The following HECW1 variants were observed in gnomAD, a reference collection of about 807,000 sequenced individuals.
The protein encoded by HECW1 is E3 ubiquitin-protein ligase HECW1.
HECW1 carries 61 observed loss-of-function variants against 182.3 expected under a neutral mutation model. That is an observed-to-expected ratio of 0.33 (90% CI 0.27 to 0.41). The LOEUF is 0.41. Among genes scored for constraint, HECW1 ranks in the 10% least tolerant of loss-of-function variants. HECW1 has a pLI of 1.00. For synonymous variants in HECW1, 859 were observed against 832.6 expected (o/e 1.03, Z -0.55); for missense variants, 1,739 against 2,108.9 (o/e 0.82, Z 3.44).
At chr7:43,145,580 G>A (rs1374875221) in intron 2 of HECW1, among the ~76,000 whole-genome samples, 2 of 152,200 alleles carry the variant, frequency 1.3e-5, no homozygotes, top group African/African-American at 4.8e-5. Context: ...TTACAGGCAT[G>A]TCTTTCTTAT....
intron 3 of HECW1, among the ~76,000 whole-genome samples, chr7:43,252,881 G>A (rs1466829864): frequency 6.6e-6 from 1 of 152,238 alleles, no homozygotes; most frequent in Non-Finnish European, 1.5e-5. Flanking sequence ...GACAGTTGTT[G>A]TTAAATACAC....
intron 3 of HECW1, among the ~76,000 whole-genome samples, chr7:43,247,072 AAG>A (rs1337552227): frequency 6.6e-6 from 1 of 152,208 alleles, no homozygotes; most frequent in African/African-American, 2.4e-5. Flanking sequence ...CTGTTCTTAA[AAG>A]AGAAGCACAG....
Position 43,425,494 on chromosome 7 carries a change from C to T in HECW1, c.802-12509C>T, listed in dbSNP as rs568770332. ...TCTTGTTTCTTGCCCCAGCCTCCTG[C>T]GCTATCCACTACAGATTGGAATTGT... On this transcript the variant is annotated intron_variant, in intron 8 of 29. Coordinates refer to ENST00000395891, the MANE Select transcript of HECW1 (RefSeq NM_015052.5). 5.9e-5 allele frequency among the ~76,000 whole-genome samples: 9 copies of T among 152,218 alleles called. No homozygotes were observed. In the South Asian group the frequency reaches 1.0e-3, roughly 18 times the overall value.
chr7:43,444,655 A>G lies in HECW1; in HGVS notation c.1483A>G (p.Ser495Gly). 1 of 1,607,012 alleles carries G rather than the reference A, an allele frequency of 6.2e-7. No individual in the cohort carries two copies. The highest frequency in any genetic ancestry group is 8.5e-7 in the Non-Finnish European group (1 of 1,176,630). ...EPLEEEATTQSRAGREEEEKE... is the reference protein window; with the variant it reads ...EPLEEEATTQGRAGREEEEKE... ...CTTGGAGGAGGAAGCAACGACCCAG[A>G]GCCGGGCTGGAAGGGAAGAAGAGGA... Residue 495 changes from serine to glycine, a missense_variant, in exon 11 of 30, where the codon AGC becomes GGC. Ser to Gly is a moderately conservative substitution (Grantham distance 56, BLOSUM62 0). Around this residue, in one of 5 missense-constraint regions of HECW1, gnomAD observed 971 missense variants for 1,029.1 expected, o/e 0.94. Coordinates refer to ENST00000395891, the MANE Select transcript of HECW1 (RefSeq NM_015052.5). This position sits in a 1 kb window ranked among gnomAD's most constrained non-coding sequence, Gnocchi z 4.3.
intron 19 of HECW1, among the ~76,000 whole-genome samples, chr7:43,494,880 C>T (rs1006832183): frequency 3.9e-5 from 6 of 152,228 alleles, no homozygotes; most frequent in Middle Eastern, 6.8e-3. Context: ...ACTCTCCATC[C>T]TGCACTAAGC....
At position 43,444,090 on chromosome 7, in the gene HECW1, C is replaced by T. The variant is rs946576504; in HGVS notation, c.1046-128C>T. ...CTAGAGCTCTGGCCAGTGAGAAACC[C>T]TCATCAACCTACATTCAATATCCTA... On this transcript the variant is annotated intron_variant, in intron 10 of 29. Transcript: ENST00000395891. The surrounding 1 kb of genome is among the most constrained non-coding windows in gnomAD (Gnocchi z 4.3). 5.2e-6 allele frequency: 5 copies of T among 958,188 alleles called. No individual in the cohort carries two copies. The highest frequency in any genetic ancestry group is 2.9e-5 in the Admixed American group (1 of 34,788). The allele number at this position is 958,188 out of a possible 1,614,324, so 59.4% of individuals were successfully genotyped here. A position where few individuals can be genotyped will look rare whatever the true frequency, so the allele number is the denominator to read the frequency against.
At chr7:43,235,422 T>C (rs1396648662) in intron 2 of HECW1, among the ~76,000 whole-genome samples, 4 of 152,156 alleles carry the variant, frequency 2.6e-5, no homozygotes, top group Admixed American at 2.6e-4. Context: ...GGACTATTAT[T>C]CTTTAAAACT....
intron 3 of HECW1, among the ~76,000 whole-genome samples, chr7:43,276,583 T>A (rs1266419420): frequency 6.6e-6 from 1 of 152,252 alleles, no homozygotes; most frequent in Non-Finnish European, 1.5e-5. Context: ...TATGTCATTA[T>A]AAATTATGCC....
At chr7:43,434,775 G>A (rs1464911759) in intron 8 of HECW1, among the ~76,000 whole-genome samples, 1 of 152,146 alleles carries the variant, frequency 6.6e-6, no homozygotes, top group Non-Finnish European at 1.5e-5. Context: ...GTGGAGGGAG[G>A]AAAGAACCCA....
intron 2 of HECW1, among the ~76,000 whole-genome samples, chr7:43,215,547 G>A (rs79625512): frequency 1.1e-4 from 16 of 152,122 alleles, no homozygotes; most frequent in Non-Finnish European, 2.1e-4. Flanking sequence ...AATGGTTAAG[G>A]TATTTTTAAA....
At position 43,145,371 on chromosome 7, in the gene HECW1, C is replaced by T. The variant is rs543005576; in HGVS notation, c.-32+30980C>T. Among the ~76,000 whole-genome samples the T allele has an allele frequency of 5.3e-5, 8 of 152,336 alleles. No homozygotes were observed. In the South Asian group the frequency reaches 1.7e-3, roughly 32 times the overall value. On this transcript the variant is annotated intron_variant, in intron 2 of 29. Transcript: ENST00000395891. ...AGTGCAGTGGTGTGATCTGACCTCA[C>T]TGCAACATCCACCTCCTGGGCTCAG...
chr7:43,141,568 C>T (rs1481216537), intron 2 of HECW1, among the ~76,000 whole-genome samples: 2 of 151,962 alleles, frequency 1.3e-5, no homozygotes, highest in Admixed American at 6.6e-5. Context: ...GGCGCAATCT[C>T]AGCTCACCGC....
At chr7:43,142,117 G>A (rs749147317) in intron 2 of HECW1, among the ~76,000 whole-genome samples, 2 of 152,142 alleles carry the variant, frequency 1.3e-5, no homozygotes, top group Admixed American at 1.3e-4. Context: ...ACTAGATTGA[G>A]GTCTGGGTCT....
intron 3 of HECW1, 80 bp downstream of exon 3, chr7:43,244,012 T>TCAGCCTAGGGCCATTGCGGTTGCC: frequency 7.7e-6 from 9 of 1,165,128 alleles, no homozygotes; most frequent in Middle Eastern, 1.9e-4. Flanking sequence ...GGAATGTGCC[T>TCAGCCTAGGGCCATTGCGGTTGCC]CAGCCTAGGG....
At chr7:43,497,891 T>C (rs1247272669) in intron 19 of HECW1, among the ~76,000 whole-genome samples, 1 of 152,134 alleles carries the variant, frequency 6.6e-6, no homozygotes, top group East Asian at 1.9e-4. Context: ...GATTTTATTT[T>C]GGATATTGAG....
intron 24 of HECW1, among the ~76,000 whole-genome samples, chr7:43,519,553 C>A (rs531951817): frequency 1.7e-4 from 26 of 152,284 alleles, no homozygotes; most frequent in Admixed American, 5.9e-4. Flanking sequence ...CTAGTGCAGA[C>A]TTTTAAAAGC....
chr7:43,484,662 T>G (rs1006028577), intron 17 of HECW1: 1 of 152,206 alleles, frequency 6.6e-6, no homozygotes, highest in African/African-American at 2.4e-5. Flanking sequence ...AATGGCAGAT[T>G]ATTAATAGAA....
At chr7:43,199,767 A>G (rs1794862316) in intron 2 of HECW1, among the ~76,000 whole-genome samples, 1 of 152,184 alleles carries the variant, frequency 6.6e-6, no homozygotes, top group Admixed American at 6.6e-5. Context: ...CTGAGTAGGA[A>G]GGGGCTTTTA....
At chr7:43,550,696 C>A in intron 27 of HECW1, 105 bp downstream of exon 27, 2 of 1,203,572 alleles carry the variant, frequency 1.7e-6, no homozygotes, top group Non-Finnish European at 2.3e-6. Context: ...GTGGTGAAAA[C>A]AGAGAGGGAG....
Sources: gnomAD v4.1 joint callset for allele counts (sites outside exome capture counted in the v4.1 genomes callset) on GRCh38, gnomAD v4.1.1 for gene constraint, gnomAD v4.1.1 regional missense constraint, Gnocchi (gnomAD v3.1) non-coding constraint, MANE v1.5 for transcripts, NCBI Gene and HGNC (gene_info 2026-07-23, HGNC 2026-07-21) for gene names.